Variants in DYM observed in about 807,000 individuals in gnomAD.
DYM encodes the protein dymeclin, also known as dyggve-Melchior-Clausen syndrome protein.
A neutral mutation model predicts 93.1 loss-of-function variants in DYM; 78 were observed. The observed-to-expected ratio is 0.84, with a 90% CI of 0.70 to 1.01. DYM has a LOEUF of 1.01. Ranked by LOEUF, DYM falls within the 50% of genes least tolerant of loss-of-function variation. DYM has a pLI of 0.00. For missense variants in DYM, 789 were observed against 845.0 expected (o/e 0.93, Z 0.82); for synonymous variants, 321 against 319.7 (o/e 1.00, Z -0.04).
Position 49,407,735 on chromosome 18 carries a change from G to A in DYM, c.141-16090C>T, listed in dbSNP as rs550502157. ...TCACATTTCAACATGAGATTTGGAG[G>A]GGACAAAATATCCAAACCGTATCAC... On this transcript the variant is annotated intron_variant, in intron 2 of 17. Coordinates refer to ENST00000675505, the MANE Select transcript of DYM (RefSeq NM_001353214.3). 2.0e-5 allele frequency among the ~76,000 whole-genome samples: 3 copies of A among 152,206 alleles called. No individual in the cohort carries two copies. The East Asian group carries it at 5.8e-4, about 29-fold the overall frequency.
chr18:49,331,776 G>A (rs376426857), intron 8 of DYM, 88 bp downstream of exon 8: 2 of 1,394,068 alleles, frequency 1.4e-6, no homozygotes. Flanking sequence ...AACTATTAAT[G>A]GTGGCAGCCA....
intron 2 of DYM, among the ~76,000 whole-genome samples, chr18:49,394,204 A>G (rs1374473794): frequency 6.6e-6 from 1 of 152,230 alleles, no homozygotes; most frequent in Admixed American, 6.5e-5. Context: ...CTTACTAGAT[A>G]GTTGAGCTTG....
intron 2 of DYM, among the ~76,000 whole-genome samples, chr18:49,409,656 A>G (rs547566032): frequency 1.3e-5 from 2 of 152,402 alleles, no homozygotes; most frequent in African/African-American, 4.8e-5. Flanking sequence ...TGGTAGGGAA[A>G]AAAAGCCTCT....
At chr18:49,111,750 A>G (rs2081414791) in intron 16 of DYM, among the ~76,000 whole-genome samples, 1 of 152,148 alleles carries the variant, frequency 6.6e-6, no homozygotes, top group African/African-American at 2.4e-5. Context: ...GATCTTTCCC[A>G]GCAGCAGATG....
At chr18:49,078,994 T>C (rs1043289732) in intron 17 of DYM, among the ~76,000 whole-genome samples, 3 of 152,230 alleles carry the variant, frequency 2.0e-5, no homozygotes, top group Admixed American at 2.0e-4. Flanking sequence ...TTGTTGTTTT[T>C]CTCTTGGTTT....
At chr18:49,351,427 AT>A (rs2065113464) in intron 6 of DYM, among the ~76,000 whole-genome samples, 1 of 152,152 alleles carries the variant, frequency 6.6e-6, no homozygotes, top group South Asian at 2.1e-4. Flanking sequence ...GCACAAAGAA[AT>A]ATTGAATAAC....
intron 14 of DYM, among the ~76,000 whole-genome samples, chr18:49,187,926 A>C (rs991074571): frequency 6.6e-6 from 1 of 152,106 alleles, no homozygotes; most frequent in African/African-American, 2.4e-5. Context: ...AGAGATATCA[A>C]ACTTCCACAC....
Position 49,046,453 on chromosome 18 carries a change from T to TCACATGCAGACACACCCACACACA in DYM, c.2026-2273_2026-2250dup, listed in dbSNP as rs2071574527. 3.0e-5 allele frequency among the ~76,000 whole-genome samples: 4 copies of TCACATGCAGACACACCCACACACA among 133,198 alleles called. No homozygotes were observed. In the South Asian group the frequency reaches 9.7e-4, roughly 32 times the overall value. The allele number at this position is 133,198 out of a possible 152,430, so 87.4% of individuals were successfully genotyped here. A position where few individuals can be genotyped will look rare whatever the true frequency, so the allele number is the denominator to read the frequency against. ...ACATACAAAACAGATACCCACACAC[T>TCACATGCAGACACACCCACACACA]CACATGCAGACACACCCACACACAC... On this transcript the variant is annotated intron_variant, in intron 17 of 17. Transcript: ENST00000675505.
chr18:49,100,944 A>G (rs887770379), intron 16 of DYM, among the ~76,000 whole-genome samples: 2 of 152,226 alleles, frequency 1.3e-5, no homozygotes, highest in African/African-American at 2.4e-5. Flanking sequence ...GAGATATCTA[A>G]GTGAAAGGTG....
chr18:49,435,528 C>G (rs2080773597), intron 1 of DYM, among the ~76,000 whole-genome samples: 1 of 152,036 alleles, frequency 6.6e-6, no homozygotes, highest in African/African-American at 2.4e-5. Context: ...TGGCTCATGC[C>G]TGTAATCCCA....
At chr18:49,181,119 T>C (rs1367090311) in intron 14 of DYM, among the ~76,000 whole-genome samples, 3 of 152,106 alleles carry the variant, frequency 2.0e-5, no homozygotes, top group East Asian at 1.9e-4. Context: ...CGTCATGAAA[T>C]GCAGCAAACC....
intron 13 of DYM, among the ~76,000 whole-genome samples, chr18:49,220,375 G>A (rs768362045): frequency 6.7e-6 from 1 of 149,174 alleles, no homozygotes; most frequent in Non-Finnish European, 1.5e-5. Context: ...AGCTACCAAT[G>A]ACTTTCTTCA....
At chr18:49,378,196 C>T (rs765599775) in intron 5 of DYM, among the ~76,000 whole-genome samples, 11 of 152,136 alleles carry the variant, frequency 7.2e-5, no homozygotes, top group Non-Finnish European at 1.3e-4. Flanking sequence ...CTAGTTGGCT[C>T]CCTTAATAAT....
At chr18:49,451,352 G>A (rs1335546669) in intron 1 of DYM, among the ~76,000 whole-genome samples, 1 of 152,200 alleles carries the variant, frequency 6.6e-6, no homozygotes, top group Non-Finnish European at 1.5e-5. Context: ...GACTGGAAGT[G>A]TATGCTTCCC....
In DYM at chr18:49,301,593, A is replaced by G. The variant is rs114850275; in HGVS notation, c.764-14977T>C. 3.5e-3 allele frequency among the ~76,000 whole-genome samples: 530 copies of G among 152,224 alleles called. 6 individuals are homozygous for G. The highest frequency in any genetic ancestry group is 0.012 in the African/African-American group (494 of 41,520). On this transcript the variant is annotated intron_variant, in intron 8 of 17. Transcript: ENST00000675505. ...AAGAAAGTTACATGTAGTAAATGTGAAATATGCAAATAGGAGTGATAGGAA... is the reference window on the plus strand; with the variant it reads ...AAGAAAGTTACATGTAGTAAATGTGGAATATGCAAATAGGAGTGATAGGAA...
At chr18:49,345,217 G>A (rs1420642015) in intron 6 of DYM, among the ~76,000 whole-genome samples, 1 of 151,896 alleles carries the variant, frequency 6.6e-6, no homozygotes, top group Middle Eastern at 3.2e-3. Flanking sequence ...AAAGAGAAGG[G>A]GGAAAAAATG....
At chr18:49,311,649 T>C (rs1453645666) in intron 8 of DYM, among the ~76,000 whole-genome samples, 1 of 146,080 alleles carries the variant, frequency 6.8e-6, no homozygotes, top group Non-Finnish European at 1.5e-5. Context: ...ACACCACATG[T>C]TCTCACTCAT....
intron 13 of DYM, among the ~76,000 whole-genome samples, chr18:49,249,972 G>T (rs189867729): frequency 0.01 from 1,589 of 152,286 alleles, 15 homozygotes; most frequent in Non-Finnish European, 0.014. Flanking sequence ...TTCTCAAGAG[G>T]TGTGAAAACC....
At chr18:49,182,932 C>A (rs2090067248) in intron 14 of DYM, among the ~76,000 whole-genome samples, 2 of 152,176 alleles carry the variant, frequency 1.3e-5, no homozygotes. Flanking sequence ...CTCTGTTACT[C>A]TATCTTGGTT....
Sources: gnomAD v4.1 joint callset for allele counts (sites outside exome capture counted in the v4.1 genomes callset) on GRCh38, gnomAD v4.1.1 for gene constraint, MANE v1.5 for transcripts, NCBI Gene and HGNC (gene_info 2026-07-23, HGNC 2026-07-21) for gene names.